Variants in RPN1 observed in about 807,000 individuals in gnomAD.
RPN1 encodes the protein ribophorin I.
A neutral mutation model predicts 55.5 loss-of-function variants in RPN1; 12 were observed. That is an observed-to-expected ratio of 0.22 (90% CI 0.14 to 0.35). The LOEUF is 0.35. RPN1 is among the 10% of genes least tolerant of loss of function. The pLI is 1.00. For missense variants in RPN1, 679 were observed against 761.3 expected, an observed-to-expected ratio of 0.89 and a Z score of 1.27; for synonymous variants, 317 against 305.9, an observed-to-expected ratio of 1.04 and a Z score of -0.38.
rs1271430854 is a variant in RPN1, at chr3:128,624,790, C to T, written c.1395+744G>A. The stretch of plus-strand genomic sequence containing the variant: ...GGCAGAGGTTGCAGTGAATGGAGAT[C>T]GCGCCACTGCACTCCAGCATGGCAA... On this transcript the variant is annotated intron_variant, in intron 8 of 9. Coordinates refer to ENST00000296255, the MANE Select transcript of RPN1 (RefSeq NM_002950.4). Among the ~76,000 whole-genome samples the T allele has an allele frequency of 7.2e-5, 11 of 151,932 alleles. No individual in the cohort carries two copies. The East Asian group carries it at 7.7e-4, about 11-fold the overall frequency.
intron 4 of RPN1, 58 bp downstream of exon 4, chr3:128,631,890 A>G (rs758948686): frequency 7.6e-6 from 12 of 1,581,134 alleles, no homozygotes; most frequent in Non-Finnish European, 1.0e-5. Context: ...AAAGCAAAGA[A>G]TAGGTAGCTG....
intron 5 of RPN1, chr3:128,627,056 G>A (rs79507821): frequency 2.5e-4 from 134 of 530,138 alleles, no homozygotes; most frequent in Admixed American, 2.0e-3. Context: ...AGACCTTCAC[G>A]TTATCAGTGT....
chr3:128,633,860 G>C (rs2069658671), intron 3 of RPN1, among the ~76,000 whole-genome samples: 1 of 151,906 alleles, frequency 6.6e-6, no homozygotes, highest in Non-Finnish European at 1.5e-5. Context: ...ATGGGCGCCT[G>C]TAGTCCCAGA....
intron 2 of RPN1, among the ~76,000 whole-genome samples, chr3:128,641,300 GA>G (rs1356945526): frequency 6.6e-6 from 1 of 151,998 alleles, no homozygotes; most frequent in East Asian, 1.9e-4. Context: ...GGTAAGCTAT[GA>G]AAAAAAATTT....
At position 128,625,877 on chromosome 3, in the gene RPN1, A is replaced by G. The variant is rs1407888856; in HGVS notation, c.1272T>C (p.Ile424=). The change falls in exon 7 of 10, where the codon ATT becomes ATC. Residue 424 remains isoleucine (I), a synonymous_variant. Transcript: ENST00000296255. ...GGCAAACAGTGGAGCCACTCACCAC[A>G]ATGTCCTGAATGTGCTGTTCTACCA... is the stretch of plus-strand genomic sequence containing the variant. The part of the protein sequence containing the change: ...KNLVEQHIQD[I]VVHYTFNKVL... The G allele has an allele frequency of 1.2e-6, 2 of 1,609,928 alleles. No individual in the cohort carries two copies. Among genetic ancestry groups the G allele is most frequent in the East Asian group, 4.5e-5 (2 of 44,866 alleles).
At chr3:128,628,225 CCA>C (rs2069614852) in intron 5 of RPN1, among the ~76,000 whole-genome samples, 1 of 151,630 alleles carries the variant, frequency 6.6e-6, no homozygotes, top group South Asian at 2.1e-4. Context: ...CCAATGCACT[CCA>C]GCCTGGGAGG....
At chr3:128,627,197 G>A (rs2069605674) in intron 5 of RPN1, 1 of 280,146 alleles carries the variant, frequency 3.6e-6, no homozygotes, top group African/African-American at 2.2e-5. Context: ...GAAACTCGGA[G>A]CAGTTGTGCC....
chr3:128,633,475 A>G (rs929779280), intron 3 of RPN1, among the ~76,000 whole-genome samples: 1 of 152,070 alleles, frequency 6.6e-6, no homozygotes, highest in Non-Finnish European at 1.5e-5. Context: ...TGACCTCCCA[A>G]AGTGCTGGGA....
At chr3:128,644,801 A>G (rs867143598) in intron 2 of RPN1, 118 bp downstream of exon 2, 1 of 683,938 alleles carries the variant, frequency 1.5e-6, no homozygotes, top group South Asian at 1.7e-5. Flanking sequence ...TCTACAAAAA[A>G]AAAACCCTGT....
At chr3:128,622,736 T>C (rs561904062) in intron 8 of RPN1, among the ~76,000 whole-genome samples, 2 of 150,544 alleles carry the variant, frequency 1.3e-5, no homozygotes, top group Admixed American at 6.6e-5. Context: ...CTACTAAAAA[T>C]AGAAAAAAAA....
rs532290753 is a variant in RPN1 at position 128,650,779 on chromosome 3, A to G, written c.22T>C (p.Leu8=). 9.5e-4 allele frequency: 1,463 copies of G among 1,539,974 alleles called. 4 individuals are homozygous for G. The highest frequency in any genetic ancestry group is 3.2e-3 in the Middle Eastern group (18 of 5,578). Residue 8 remains leucine (L), a synonymous_variant, in exon 1 of 10, where the codon TTG becomes CTG. Coordinates refer to ENST00000296255, the MANE Select transcript of RPN1 (RefSeq NM_002950.4). MEAPAAG[L]FLLLLLGTWA... ...GTCCCAAGCAACAGGAGCAGAAACA[A>G]GCCGGCGGCTGGCGCCTCCATGACC...
chr3:128,640,104 G>A (rs778689505), intron 2 of RPN1, among the ~76,000 whole-genome samples: 3 of 151,898 alleles, frequency 2.0e-5, no homozygotes, highest in Admixed American at 6.6e-5. Flanking sequence ...CCTGGGAGGC[G>A]GAGGTTGCAG....
intron 2 of RPN1, among the ~76,000 whole-genome samples, chr3:128,641,595 T>C (rs1015252812): frequency 2.0e-5 from 3 of 151,464 alleles, no homozygotes; most frequent in African/African-American, 7.3e-5. Context: ...TATATATATA[T>C]TGATTTAGTG....
intron 9 of RPN1, among the ~76,000 whole-genome samples, chr3:128,621,605 G>A (rs1302525685): frequency 1.3e-5 from 2 of 152,206 alleles, no homozygotes; most frequent in Admixed American, 6.5e-5. Context: ...GGGCACCTCT[G>A]CGAAAAGGTT....
chr3:128,649,321 A>C (rs1324551856), intron 1 of RPN1, among the ~76,000 whole-genome samples: 1 of 152,228 alleles, frequency 6.6e-6, no homozygotes, highest in African/African-American at 2.4e-5. Context: ...TGGTCCACTT[A>C]TACTGTAACA....
chr3:128,649,927 C>G (rs1034865176), intron 1 of RPN1, among the ~76,000 whole-genome samples: 3 of 152,228 alleles, frequency 2.0e-5, no homozygotes, highest in African/African-American at 7.2e-5. Flanking sequence ...GCATCACATT[C>G]ATAGGGATTT....
At chr3:128,643,044 G>C (rs2069738089) in intron 2 of RPN1, among the ~76,000 whole-genome samples, 1 of 151,122 alleles carries the variant, frequency 6.6e-6, no homozygotes. Context: ...AAAGAAAAAA[G>C]GGCCAAGAGC....
chr3:128,647,527 A>C (rs2107723017), intron 1 of RPN1, among the ~76,000 whole-genome samples: 1 of 152,094 alleles, frequency 6.6e-6, no homozygotes, highest in South Asian at 2.1e-4. Flanking sequence ...CTGAAAAAAC[A>C]AAAAATTGCT....
intron 3 of RPN1, among the ~76,000 whole-genome samples, chr3:128,635,333 G>C (rs11717358): frequency 0.61 from 92,280 of 150,882 alleles, 28,358 homozygotes; most frequent in East Asian, 0.77. Context: ...ACAGAGTCTT[G>C]CTCTGTTGCC....
Sources: gnomAD v4.1 joint callset for allele counts (sites outside exome capture counted in the v4.1 genomes callset) on GRCh38, gnomAD v4.1.1 for gene constraint, MANE v1.5 for transcripts, NCBI Gene and HGNC (gene_info 2026-07-23, HGNC 2026-07-21) for gene names.